POLA1: variants seen among roughly 807,000 people sequenced by gnomAD.
The protein encoded by POLA1 is DNA polymerase alpha 1, catalytic subunit, also known as DNA polymerase alpha catalytic subunit.
Under a neutral mutation model 124.0 loss-of-function variants are expected in POLA1, and 15 were observed. The observed-to-expected ratio is 0.12, with a 90% CI of 0.08 to 0.19. POLA1 has a LOEUF of 0.19. Ranked by LOEUF, POLA1 falls within the 10% of genes least tolerant of loss-of-function variation. POLA1 has a pLI of 1.00. For missense variants in POLA1, 886 were observed against 1,103.4 expected, an observed-to-expected ratio of 0.80 and a Z score of 2.79; for synonymous variants, 408 against 389.4, an observed-to-expected ratio of 1.05 and a Z score of -0.56.
At chrX:24,781,498 C>T (rs1216206719) in intron 26 of POLA1, among the ~76,000 whole-genome samples, 1 of 111,557 alleles carries the variant, frequency 9.0e-6, no homozygotes, top group Non-Finnish European at 1.9e-5. Flanking sequence ...TCATTGTTGC[C>T]TTTATTGGAT....
intron 23 of POLA1, among the ~76,000 whole-genome samples, chrX:24,744,288 G>A (rs763772273): frequency 6.2e-5 from 7 of 112,138 alleles, no homozygotes; most frequent in African/African-American, 1.3e-4. Flanking sequence ...GTGTGATCTT[G>A]GGCTGCCTGT....
At chrX:24,831,189 G>A (rs1185428338) in intron 32 of POLA1, among the ~76,000 whole-genome samples, 2 of 111,278 alleles carry the variant, frequency 1.8e-5, no homozygotes, top group Non-Finnish European at 3.8e-5. Context: ...AAGTGCGACA[G>A]TGGGTGAAAC....
At chrX:24,959,874 A>G (rs934027446) in intron 36 of POLA1, among the ~76,000 whole-genome samples, 4 of 111,492 alleles carry the variant, frequency 3.6e-5, no homozygotes, top group African/African-American at 1.3e-4. Context: ...TATGGCTTAC[A>G]TTATATTATT....
chrX:24,841,634 T>G lies in POLA1; in HGVS notation c.3737-18T>G, dbSNP rs757079199. 3.4e-5 allele frequency: 36 copies of G among 1,058,060 alleles called. No individual in the cohort carries two copies. The highest frequency in any genetic ancestry group is 4.5e-5 in the Non-Finnish European group (36 of 795,132). 87.2% of individuals were successfully genotyped at this position (1,058,060 alleles called of 1,213,427 possible). The stretch of plus-strand genomic sequence containing the variant: ...TGGAATACTTTTCTGAATTTGTTTT[T>G]TTCTTTTACATTAATAGGACTTGAC... On this transcript the variant is annotated intron_variant, in intron 32 of 36. Coordinates refer to ENST00000379068, the MANE Select transcript of POLA1 (RefSeq NM_001330360.2).
chrX:24,992,191 C>T (rs1483271048), intron 36 of POLA1, among the ~76,000 whole-genome samples: 1 of 111,193 alleles, frequency 9.0e-6, no homozygotes, highest in Non-Finnish European at 1.9e-5. Flanking sequence ...CTCTGTAGGT[C>T]GGATGGCTCT....
chrX:24,930,250 G>A (rs1324466413), intron 35 of POLA1, among the ~76,000 whole-genome samples: 1 of 111,742 alleles, frequency 8.9e-6, no homozygotes, highest in Non-Finnish European at 1.9e-5. Context: ...CGAAGTGGCA[G>A]GATTTATTCT....
intron 26 of POLA1, among the ~76,000 whole-genome samples, chrX:24,801,967 G>GTGTGTGTA (rs1236250875): frequency 1.9e-5 from 2 of 107,321 alleles, no homozygotes; most frequent in Non-Finnish European, 3.8e-5. Flanking sequence ...GTGTGTGTGT[G>GTGTGTGTA]TGTGACATTT....
chrX:24,976,579 C>T (rs780300529), intron 36 of POLA1, among the ~76,000 whole-genome samples: 8 of 112,404 alleles, frequency 7.1e-5, no homozygotes, highest in Non-Finnish European at 1.5e-4. Flanking sequence ...GTTAATAAAG[C>T]TTCCCAAATA....
intron 36 of POLA1, among the ~76,000 whole-genome samples, chrX:24,952,236 G>C (rs2048056462): frequency 8.9e-6 from 1 of 111,925 alleles, no homozygotes. Flanking sequence ...TCCTCAATTA[G>C]TAATTTTACT....
chrX:24,920,513 A>G (rs1161472800), intron 35 of POLA1, among the ~76,000 whole-genome samples: 2 of 111,892 alleles, frequency 1.8e-5, no homozygotes, highest in African/African-American at 6.5e-5. Context: ...AAAACTGGCC[A>G]CAAAAGAACT....
intron 21 of POLA1, 57 bp downstream of exon 21, chrX:24,741,561 T>A: frequency 8.7e-6 from 9 of 1,039,132 alleles, no homozygotes; most frequent in Non-Finnish European, 1.2e-5. Context: ...AGTGTTTGCT[T>A]GGGGTAGTTG....
At chrX:24,834,111 G>A (rs201905600) in intron 32 of POLA1, among the ~76,000 whole-genome samples, 832 of 70,397 alleles carry the variant, frequency 0.012, no homozygotes, top group Non-Finnish European at 0.014. Flanking sequence ...GTCTCAGAAA[G>A]AAAAAAAAAA....
In POLA1 at chrX:24,737,742, GTAA is replaced by G. The variant is rs779092332; in HGVS notation, c.2040+9_2040+11del. 2 of 990,849 alleles carry G rather than the reference GTAA, an allele frequency of 2.0e-6. No homozygotes were observed. The highest frequency in any genetic ancestry group is 2.5e-5 in the Admixed American group (1 of 39,240). The allele number at this position is 990,849 out of a possible 1,213,427, so 81.7% of individuals were successfully genotyped here. On this transcript the variant is annotated splice_donor_variant and splice_donor_region_variant and intron_variant, in intron 19 of 36. Transcript: ENST00000379068. LOFTEE classifies it high-confidence loss of function. ...GCGATCCAACATGCCAAAGCTTGGGGTAATAATAATTTTCAAAATCTTATTTAT... is the reference window on the plus strand; with the variant it reads ...GCGATCCAACATGCCAAAGCTTGGGGTAATAATTTTCAAAATCTTATTTAT...
At chrX:24,824,317 G>T (rs2046138003) in intron 31 of POLA1, among the ~76,000 whole-genome samples, 1 of 110,376 alleles carries the variant, frequency 9.1e-6, no homozygotes, top group African/African-American at 3.3e-5. Flanking sequence ...TTTTGAGACA[G>T]GGTCTCGCTC....
chrX:24,936,444 A>G (rs1004430750), intron 36 of POLA1, among the ~76,000 whole-genome samples: 4 of 112,312 alleles, frequency 3.6e-5, no homozygotes. Flanking sequence ...ATCCTTAACA[A>G]AATATTAAAA....
chrX:24,815,932 A>G (rs1217477531), intron 30 of POLA1, among the ~76,000 whole-genome samples: 1 of 111,969 alleles, frequency 8.9e-6, no homozygotes, highest in Admixed American at 9.5e-5. Context: ...TTATTTAGAA[A>G]TATATTTTCA....
chrX:24,933,927 G>T (rs894042665), intron 36 of POLA1, among the ~76,000 whole-genome samples: 1 of 112,220 alleles, frequency 8.9e-6, no homozygotes, highest in African/African-American at 3.2e-5. Flanking sequence ...CTGCATATTT[G>T]CTGTAACTGC....
intron 36 of POLA1, among the ~76,000 whole-genome samples, chrX:24,949,327 C>A (rs777574419): frequency 1.8e-5 from 2 of 111,253 alleles, no homozygotes; most frequent in African/African-American, 3.3e-5. Context: ...TAAATAAAAT[C>A]AATATGTGGC....
chrX:24,788,577 T>C, intron 26 of POLA1: 1 of 1,191,668 alleles, frequency 8.4e-7, no homozygotes, highest in Non-Finnish European at 1.1e-6. Flanking sequence ...TCTGCTTGAA[T>C]GCTTCTGACG....
Sources: allele counts gnomAD v4.1 joint callset (sites outside exome capture counted in the v4.1 genomes callset), GRCh38; gene constraint gnomAD v4.1.1; transcripts MANE v1.5; gene names NCBI Gene and HGNC (gene_info 2026-07-23, HGNC 2026-07-21).